Variants in BRSK2 observed in about 807,000 individuals in gnomAD.
BRSK2 encodes the protein serine/threonine-protein kinase BRSK2.
BRSK2 carries 19 observed loss-of-function variants against 83.3 expected under a neutral mutation model. The observed-to-expected ratio is 0.23, with a 90% CI of 0.16 to 0.33. The LOEUF (loss-of-function observed/expected upper bound fraction) is 0.33. Ranked by LOEUF, BRSK2 falls within the 10% of genes least tolerant of loss-of-function variation. The pLI is 1.00. For synonymous variants in BRSK2, 519 were observed against 435.4 expected (o/e 1.19, Z -2.39); for missense variants, 798 against 1,042.3 (o/e 0.77, Z 3.23).
rs368346529 is a variant in BRSK2, at chr11:1,440,752, C to T, written c.273-36C>T. On this transcript the variant is annotated intron_variant, in intron 3 of 19. Transcript: ENST00000528841. ...GGGATGAGGAGGGGCGGCGGGCAGC[C>T]ACAGCTGGGCGCACTGGTGGCCCCG... 703 of 1,541,588 alleles carry T rather than the reference C, an allele frequency of 4.6e-4. 5 individuals carry two copies. The African/African-American group carries it at 8.9e-3, about 20-fold the overall frequency.
At position 1,438,507 on chromosome 11, in the gene BRSK2, TC is replaced by T; in HGVS notation, c.272+119del. The T allele has an allele frequency of 3.3e-6, 3 of 905,886 alleles. No individual in the cohort carries two copies. Among genetic ancestry groups the T allele is most frequent in the African/African-American group, 1.6e-5 (1 of 60,610 alleles). The allele number at this position is 905,886 out of a possible 1,614,324, so 56.1% of individuals were successfully genotyped here. A position where few individuals can be genotyped will look rare whatever the true frequency, so the allele number is the denominator to read the frequency against. ...CTGGAGGCCAGGGGCGCCTGCTGCA[TC>T]CCAGCAGCCCTGGCCCTGCTAGCAT... On this transcript the variant is annotated intron_variant, in intron 3 of 19. Coordinates refer to ENST00000528841, the MANE Select transcript of BRSK2 (RefSeq NM_001256627.2). The surrounding 1 kb of genome is among the most constrained non-coding windows in gnomAD (Gnocchi z 6.4).
intron 4 of BRSK2, 149 bp from the exon 5 acceptor site, chr11:1,442,341 C>A: frequency 1.6e-6 from 1 of 608,534 alleles, no homozygotes. Flanking sequence ...TGATTGGCTG[C>A]CTATGACATC....
Position 1,391,089 on chromosome 11 carries a change from G to A in BRSK2, c.91+714G>A, listed in dbSNP as rs574189139. Among the ~76,000 whole-genome samples the A allele has an allele frequency of 1.3e-3, 196 of 152,356 alleles. 1 individual carries two copies. The highest frequency in any genetic ancestry group is 3.4e-3 in the African/African-American group (142 of 41,596). On this transcript the variant is annotated intron_variant, in intron 1 of 19. Coordinates refer to ENST00000528841, the MANE Select transcript of BRSK2 (RefSeq NM_001256627.2). The stretch of plus-strand genomic sequence containing the variant: ...CCGGTGGGGCCTGGCTGTCATTCTA[G>A]GGAACAGGCCGGGTCCCTGCGGGGC...
At chr11:1,458,071 C>T (rs187113249) in intron 18 of BRSK2, among the ~76,000 whole-genome samples, 218 of 152,258 alleles carry the variant, frequency 1.4e-3, no homozygotes, top group Non-Finnish European at 2.3e-3. Context: ...GAAGGGAAAC[C>T]GAGGCCAGGG....
rs753017014 is a variant in BRSK2, at chr11:1,440,742, G to A, written c.273-46G>A. The stretch of plus-strand genomic sequence containing the variant: ...GGGAGGCCCTGGGATGAGGAGGGGC[G>A]GCGGGCAGCCACAGCTGGGCGCACT... On this transcript the variant is annotated intron_variant, in intron 3 of 19. Transcript: ENST00000528841. 151 of 1,533,894 alleles carry A rather than the reference G, an allele frequency of 9.8e-5. No individual in the cohort carries two copies. The South Asian group carries it at 1.3e-3, about 14-fold the overall frequency.
rs776928276 is a variant in BRSK2 at position 1,438,301 on chromosome 11, T to C, written c.187-5T>C. 1.2e-6 allele frequency: 2 copies of C among 1,613,310 alleles called. No individual in the cohort carries two copies. The highest frequency in any genetic ancestry group is 1.7e-5 in the Admixed American group (1 of 60,022). ...GCGTGATGTTCTCTGGCCTCTCCCA[T>C]GCAGGTGGAGCGGGAGATCGCGATC... On this transcript the variant is annotated splice_region_variant and splice_polypyrimidine_tract_variant and intron_variant, in intron 2 of 19. Coordinates refer to ENST00000528841, the MANE Select transcript of BRSK2 (RefSeq NM_001256627.2). This position sits in a 1 kb window ranked among gnomAD's most constrained non-coding sequence, Gnocchi z 6.4.
At chr11:1,450,826 G>T (rs774876641) in intron 14 of BRSK2, 32 bp downstream of exon 14, 1 of 1,559,138 alleles carries the variant, frequency 6.4e-7, no homozygotes, top group Non-Finnish European at 8.6e-7. Context: ...CCAGAGTGGG[G>T]CTGGGAGAGA....
chr11:1,428,940 CGTGT>C (rs1233485110), intron 1 of BRSK2, among the ~76,000 whole-genome samples: 3 of 146,722 alleles, frequency 2.0e-5, no homozygotes, highest in Non-Finnish European at 3.0e-5. Flanking sequence ...GTACTGGGTG[CGTGT>C]GTGTGCACGG....
At chr11:1,436,184 G>GC in intron 2 of BRSK2, 50 bp downstream of exon 2, 3 of 201,442 alleles carry the variant, frequency 1.5e-5, no homozygotes, top group Non-Finnish European at 3.0e-5. Flanking sequence ...GTGGGGCGGG[G>GC]AATAGCACAG....
chr11:1,446,692 A>G (rs1852178300), intron 12 of BRSK2, among the ~76,000 whole-genome samples: 1 of 152,224 alleles, frequency 6.6e-6, no homozygotes, highest in Non-Finnish European at 1.5e-5. Context: ...GGCTGCCCGC[A>G]CGAGGCCCTC....
intron 9 of BRSK2, 144 bp downstream of exon 9, chr11:1,445,146 G>A (rs1266169229): frequency 8.2e-6 from 12 of 1,467,714 alleles, no homozygotes; most frequent in Admixed American, 7.1e-5. Flanking sequence ...TGGGTGCGGG[G>A]TGCGGGCAGG....
intron 1 of BRSK2, among the ~76,000 whole-genome samples, chr11:1,434,171 A>G (rs558775591): frequency 6.6e-6 from 1 of 152,376 alleles, no homozygotes; most frequent in Non-Finnish European, 1.5e-5. Flanking sequence ...CCACACGGTC[A>G]GTAAACACCG....
chr11:1,441,036 C>A, intron 4 of BRSK2, 108 bp downstream of exon 4: 1 of 933,668 alleles, frequency 1.1e-6, no homozygotes, highest in Non-Finnish European at 1.6e-6. Context: ...TGGTGCTATT[C>A]CGAGGTACAC....
At position 1,450,779 on chromosome 11, in the gene BRSK2, C is replaced by T; in HGVS notation, c.1480C>T (p.Arg494Cys). 6.3e-7 allele frequency: 1 copy of T among 1,594,528 alleles called. No individual in the cohort carries two copies. Among genetic ancestry groups the T allele is most frequent in the Non-Finnish European group, 8.5e-7 (1 of 1,172,924 alleles). ...NSFLGSPRFH[R>C]RKLQVPTPEE... The stretch of plus-strand genomic sequence containing the variant: ...CTTTCTGGGCTCACCCCGCTTCCAC[C>T]GCCGGAAACTGCAAGGTGAGTGTCT... Residue 494 changes from arginine (R) to cysteine (C), a missense_variant, in exon 14 of 20, where the codon CGC (arginine) becomes TGC (cysteine). Transcript: ENST00000528841.
chr11:1,396,978 G>T (rs1165396742), intron 1 of BRSK2, among the ~76,000 whole-genome samples: 2 of 152,228 alleles, frequency 1.3e-5, no homozygotes, highest in Admixed American at 6.5e-5. Context: ...GGTTCCAATG[G>T]CTGGAAACAC....
chr11:1,458,573 G>A (rs770144212), intron 18 of BRSK2, among the ~76,000 whole-genome samples: 8 of 152,146 alleles, frequency 5.3e-5, no homozygotes, highest in Non-Finnish European at 1.0e-4. Context: ...CAGAGACTGC[G>A]GCCGAGGGAG....
chr11:1,460,925 TCTGC>T lies in BRSK2; in HGVS notation c.*206_*209del. On this transcript the variant is annotated 3_prime_UTR_variant, in exon 20 of 20. Coordinates refer to ENST00000528841, the MANE Select transcript of BRSK2 (RefSeq NM_001256627.2). Reference sequence around the variant, plus strand: ...GCTCTCTTTTCTCTCTGTCTCTGCCTCTGCCTGTCTCTGACAGCATCGCTTGTTT... The same window carrying T: ...GCTCTCTTTTCTCTCTGTCTCTGCCTCTGTCTCTGACAGCATCGCTTGTTT... 1.2e-6 allele frequency: 2 copies of T among 1,611,808 alleles called. No individual in the cohort carries two copies. Among genetic ancestry groups the T allele is most frequent in the African/African-American group, 2.7e-5 (2 of 75,012 alleles).
At position 1,411,395 on chromosome 11, in the gene BRSK2, G is replaced by A; in HGVS notation, c.91+21020G>A. The A allele has an allele frequency of 6.8e-7, 1 of 1,462,436 alleles. No homozygotes were observed. The highest frequency in any genetic ancestry group is 9.0e-7 in the Non-Finnish European group (1 of 1,117,006). 90.6% of individuals were successfully genotyped at this position (1,462,436 alleles called of 1,614,324 possible). On this transcript the variant is annotated intron_variant, in intron 1 of 19. Transcript: ENST00000528841. ...GGGGAGGGAGCCTGGTAGGGCACCA[G>A]CCTCACCCCATGAGCCCTGAGGGCC...
chr11:1,408,811 TG>T (rs144918446), intron 1 of BRSK2, among the ~76,000 whole-genome samples: 1 of 107,790 alleles, frequency 9.3e-6, no homozygotes, highest in African/African-American at 3.2e-5. Context: ...TTGCCTGTGC[TG>T]GTGTGTGTGT....
Sources: allele counts gnomAD v4.1 joint callset (sites outside exome capture counted in the v4.1 genomes callset), GRCh38; gene constraint gnomAD v4.1.1; non-coding constraint Gnocchi (gnomAD v3.1); transcripts MANE v1.5; gene names NCBI Gene and HGNC (gene_info 2026-07-23, HGNC 2026-07-21).